The following PAK5 variants were observed in gnomAD, a reference collection of about 807,000 sequenced individuals.
PAK5 encodes p21 (RAC1) activated kinase 5, also known as serine/threonine-protein kinase PAK 5.
Under a neutral mutation model 65.9 loss-of-function variants are expected in PAK5, and 16 were observed. The observed-to-expected ratio is 0.24, with a 90% CI of 0.16 to 0.37. The LOEUF (loss-of-function observed/expected upper bound fraction) is 0.37, where lower values mean the gene tolerates loss of function less well. Ranked by LOEUF, PAK5 falls within the 10% of genes least tolerant of loss-of-function variation. The probability of loss-of-function intolerance (pLI) is 1.00; values close to 1 mark genes in which losing one functional copy is unlikely to be tolerated. For synonymous variants in PAK5, 371 were observed against 354.9 expected (o/e 1.05, Z -0.51); for missense variants, 785 against 903.9 (o/e 0.87, Z 1.69).
intron 1 of PAK5, among the ~76,000 whole-genome samples, chr20:9,759,246 TGC>T (rs2048670509): frequency 7.9e-5 from 12 of 152,322 alleles, no homozygotes; most frequent in Middle Eastern, 3.4e-3. Context: ...CTCTTTTCAC[TGC>T]TAAACATCTG....
intron 1 of PAK5, among the ~76,000 whole-genome samples, chr20:9,743,400 A>C (rs1402989547): frequency 3.8e-5 from 3 of 79,834 alleles, no homozygotes; most frequent in African/African-American, 8.2e-5. Context: ...CCAAAAAAAA[A>C]CAAACGAAAC....
chr20:9,714,019 C>T (rs1222812896), intron 1 of PAK5, among the ~76,000 whole-genome samples: 1 of 152,012 alleles, frequency 6.6e-6, no homozygotes, highest in African/African-American at 2.4e-5. Flanking sequence ...TTGTAATGTT[C>T]CCAACACAAA....
intron 1 of PAK5, among the ~76,000 whole-genome samples, chr20:9,835,823 T>C (rs1352276017): frequency 6.6e-6 from 1 of 152,212 alleles, no homozygotes; most frequent in Non-Finnish European, 1.5e-5. Context: ...AGCAACTCGA[T>C]GGATAGTGGT....
chr20:9,830,772 T>C (rs113537275), intron 1 of PAK5, among the ~76,000 whole-genome samples: 194 of 152,314 alleles, frequency 1.3e-3, no homozygotes, highest in Admixed American at 3.7e-3. Flanking sequence ...ACATTGCACC[T>C]TCAATGATGC....
At chr20:9,550,731 GGT>G (rs111410496) in intron 7 of PAK5, among the ~76,000 whole-genome samples, 88,541 of 148,454 alleles carry the variant, frequency 0.6, 28,618 homozygotes, top group Non-Finnish European at 0.72. Context: ...CCATAATTGT[GGT>G]GTGTGTGTGT....
chr20:9,759,414 G>A lies in PAK5; in HGVS notation c.-161-47979C>T, dbSNP rs2048672876. Among the ~76,000 whole-genome samples the A allele has an allele frequency of 2.0e-5, 3 of 152,126 alleles. No homozygotes were observed. The South Asian group carries it at 6.2e-4, about 31-fold the overall frequency. ...GATGATCACGATCATCTTTTGAGAAGTATTCAGCTAATGTCTGCTTGTTGC... is the reference window on the plus strand; with the variant it reads ...GATGATCACGATCATCTTTTGAGAAATATTCAGCTAATGTCTGCTTGTTGC... On this transcript the variant is annotated intron_variant, in intron 1 of 9. Coordinates refer to ENST00000353224, the MANE Select transcript of PAK5 (RefSeq NM_177990.4).
At chr20:9,659,538 G>T (rs1014126678) in intron 2 of PAK5, among the ~76,000 whole-genome samples, 1 of 152,164 alleles carries the variant, frequency 6.6e-6, no homozygotes, top group Non-Finnish European at 1.5e-5. Context: ...GAAATAAGTT[G>T]TCAAGCTGTC....
At chr20:9,772,277 TG>T (rs768812075) in intron 1 of PAK5, among the ~76,000 whole-genome samples, 6 of 152,104 alleles carry the variant, frequency 3.9e-5, no homozygotes, top group Admixed American at 3.9e-4. Flanking sequence ...TAAGATGAGC[TG>T]GGGGAGGTAT....
chr20:9,552,719 T>C (rs2045447643), intron 7 of PAK5, among the ~76,000 whole-genome samples: 1 of 64,166 alleles, frequency 1.6e-5, no homozygotes, highest in Non-Finnish European at 2.6e-5. Context: ...TTTTAAAATT[T>C]TTTAGTTTTT....
At chr20:9,599,759 C>T (rs149946015) in intron 3 of PAK5, among the ~76,000 whole-genome samples, 58 of 151,838 alleles carry the variant, frequency 3.8e-4, no homozygotes, top group Non-Finnish European at 8.8e-5. Flanking sequence ...GGTATTAATC[C>T]CTTATCAGAT....
rs1315027459 is a variant in PAK5 at position 9,537,788 on chromosome 20, G to C, written c.*1674C>G. ...AAACATTGATTTGCTGTTTTATGAA[G>C]CAAAATCATAGATCATATTTATGGA... On this transcript the variant is annotated 3_prime_UTR_variant, in exon 10 of 10. Coordinates refer to ENST00000353224, the MANE Select transcript of PAK5 (RefSeq NM_177990.4). The C allele has an allele frequency of 4.5e-6, 1 of 221,632 alleles. No individual in the cohort carries two copies. Among genetic ancestry groups the C allele is most frequent in the Non-Finnish European group, 9.0e-6 (1 of 110,936 alleles). The allele number at this position is 221,632 out of a possible 1,614,324, so 13.7% of individuals were successfully genotyped here.
At chr20:9,724,973 C>A (rs2123532638) in intron 1 of PAK5, among the ~76,000 whole-genome samples, 1 of 152,190 alleles carries the variant, frequency 6.6e-6, no homozygotes, top group Admixed American at 6.5e-5. Flanking sequence ...GTGATTATTA[C>A]ACATTGCATG....
chr20:9,785,551 A>T (rs1222655522), intron 1 of PAK5, among the ~76,000 whole-genome samples: 1 of 152,170 alleles, frequency 6.6e-6, no homozygotes, highest in African/African-American at 2.4e-5. Flanking sequence ...TCAAGTCTCC[A>T]AGTGAAGATA....
intron 3 of PAK5, among the ~76,000 whole-genome samples, chr20:9,625,747 T>C (rs998529407): frequency 6.6e-6 from 1 of 152,204 alleles, no homozygotes; most frequent in Non-Finnish European, 1.5e-5. Context: ...CCTGGCTCTG[T>C]CTTCATTCCT....
chr20:9,623,617 C>T (rs951701270), intron 3 of PAK5, among the ~76,000 whole-genome samples: 3 of 152,026 alleles, frequency 2.0e-5, no homozygotes, highest in Non-Finnish European at 4.4e-5. Flanking sequence ...AATAAAAGTA[C>T]AGTATTAGAC....
chr20:9,806,043 C>A lies in PAK5; in HGVS notation c.-162+32719G>T, dbSNP rs1280593160. Among the ~76,000 whole-genome samples the A allele has an allele frequency of 4.1e-4, 63 of 152,208 alleles. 1 individual carries two copies. The highest frequency in any genetic ancestry group is 4.1e-3 in the Admixed American group (63 of 15,274). ...GCAGTGGCATGATCTCAGCCCCCTG[C>A]AACCTCTGCCTCCTGGGTTCAAGCA... On this transcript the variant is annotated intron_variant, in intron 1 of 9. Transcript: ENST00000353224.
At chr20:9,632,346 G>A (rs2046933063) in intron 3 of PAK5, among the ~76,000 whole-genome samples, 1 of 152,134 alleles carries the variant, frequency 6.6e-6, no homozygotes, top group Admixed American at 6.5e-5. Context: ...GGCTCAGGGA[G>A]CATCCAGGCC....
At chr20:9,734,839 C>A (rs1271169388) in intron 1 of PAK5, among the ~76,000 whole-genome samples, 1 of 152,214 alleles carries the variant, frequency 6.6e-6, no homozygotes, top group South Asian at 2.1e-4. Flanking sequence ...TCTAGGACAA[C>A]CATACTGGTG....
chr20:9,589,907 C>G (rs548690536), intron 3 of PAK5, among the ~76,000 whole-genome samples: 2 of 152,186 alleles, frequency 1.3e-5, no homozygotes, highest in South Asian at 2.1e-4. Flanking sequence ...TTAGGTTACT[C>G]ATAAAGGTAA....
Sources: gnomAD v4.1 joint callset for allele counts (sites outside exome capture counted in the v4.1 genomes callset) on GRCh38, gnomAD v4.1.1 for gene constraint, MANE v1.5 for transcripts, NCBI Gene and HGNC (gene_info 2026-07-23, HGNC 2026-07-21) for gene names.